DEPTOR: variants seen among roughly 807,000 people sequenced by gnomAD.
The protein encoded by DEPTOR is DEP domain containing MTOR interacting protein.
DEPTOR carries 41 observed loss-of-function variants against 41.6 expected under a neutral mutation model. The ratio of observed to expected loss-of-function variants is 0.98; its 90% confidence interval spans 0.77 to 1.28. The LOEUF is 1.28. Ranked by LOEUF, DEPTOR falls within the 50% of genes most tolerant of loss-of-function variation. The probability of loss-of-function intolerance (pLI) is 0.00; values close to 1 mark genes in which losing one functional copy is unlikely to be tolerated. For missense variants in DEPTOR, 514 were observed against 527.9 expected (o/e 0.97, Z 0.26); for synonymous variants, 195 against 192.3 (o/e 1.01, Z -0.12).
chr8:119,878,474 C>G (rs917701048), intron 1 of DEPTOR, among the ~76,000 whole-genome samples: 2 of 151,932 alleles, frequency 1.3e-5, no homozygotes, highest in Non-Finnish European at 2.9e-5. Context: ...TGCGTGCCAC[C>G]ACACCCAGTT....
At position 119,955,654 on chromosome 8, in the gene DEPTOR, C is replaced by T. The variant is rs181901111; in HGVS notation, c.426-9578C>T. Among the ~76,000 whole-genome samples the T allele has an allele frequency of 1.3e-3, 197 of 152,078 alleles. 1 individual carries two copies. Among genetic ancestry groups the T allele is most frequent in the African/African-American group, 4.3e-3 (179 of 41,490 alleles). Reference sequence around the variant, plus strand: ...GCTAATTTTGTATTTTGGGTAGAGACGGGGTTTCTCCATGTTGGTCAGGTT... The same window carrying T: ...GCTAATTTTGTATTTTGGGTAGAGATGGGGTTTCTCCATGTTGGTCAGGTT... On this transcript the variant is annotated intron_variant, in intron 3 of 8. Transcript: ENST00000286234.
intron 3 of DEPTOR, among the ~76,000 whole-genome samples, chr8:119,948,795 A>AT (rs1301098974): frequency 2.6e-4 from 39 of 150,548 alleles, no homozygotes; most frequent in African/African-American, 6.1e-4. Flanking sequence ...ATTTTTATTT[A>AT]TTTTTTTTTG....
Position 119,929,948 on chromosome 8 carries a change from G to A in DEPTOR, c.425+10G>A, listed in dbSNP as rs145763261. ...AGAGGCTATATGAAAAGTATGTTCC[G>A]CATGAAATCCCCCCTGTAATCTTGA... On this transcript the variant is annotated intron_variant, in intron 3 of 8. Coordinates refer to ENST00000286234, the MANE Select transcript of DEPTOR (RefSeq NM_022783.4). The A allele has an allele frequency of 4.6e-4, 734 of 1,604,512 alleles. 4 individuals are homozygous for A. The African/African-American group carries it at 8.1e-3, about 18-fold the overall frequency.
At chr8:119,874,096 C>A (rs927428561) in intron 1 of DEPTOR, 128 bp downstream of exon 1, 136 of 1,499,910 alleles carry the variant, frequency 9.1e-5, no homozygotes, top group Middle Eastern at 2.0e-4. Context: ...CGGCTGCGGG[C>A]GCGTGGATGG....
Position 120,020,407 on chromosome 8 carries a change from A to G in DEPTOR, c.1101+11274A>G, listed in dbSNP as rs111402303. Among the ~76,000 whole-genome samples, 515 of 152,160 alleles carry G rather than the reference A, an allele frequency of 3.4e-3. 2 individuals carry two copies. Among genetic ancestry groups the G allele is most frequent in the African/African-American group, 0.012 (488 of 41,522 alleles). On this transcript the variant is annotated intron_variant, in intron 8 of 8. Transcript: ENST00000286234. Reference sequence around the variant, plus strand: ...GTTTTGTTTTTTGAGACAGGGTCGCACTTTGTTACCCAGACTGGAGTGCAG... The same window carrying G: ...GTTTTGTTTTTTGAGACAGGGTCGCGCTTTGTTACCCAGACTGGAGTGCAG...
At chr8:120,046,490 A>G (rs1179028759) in intron 8 of DEPTOR, among the ~76,000 whole-genome samples, 1 of 152,072 alleles carries the variant, frequency 6.6e-6, no homozygotes, top group African/African-American at 2.4e-5. Context: ...TTTACTTAGC[A>G]TAATGTTTTC....
intron 4 of DEPTOR, among the ~76,000 whole-genome samples, chr8:120,000,748 C>T (rs920276561): frequency 1.3e-5 from 2 of 151,536 alleles, no homozygotes; most frequent in Admixed American, 6.6e-5. Context: ...CAAGCTTGAG[C>T]CACCGCACCT....
In DEPTOR at chr8:119,982,420, C is replaced by A. The variant is rs562868501; in HGVS notation, c.604+17010C>A. Among the ~76,000 whole-genome samples, 164 of 152,268 alleles carry A rather than the reference C, an allele frequency of 1.1e-3. 1 individual carries two copies. Among genetic ancestry groups the A allele is most frequent in the African/African-American group, 3.8e-3 (157 of 41,544 alleles). ...AGATAGAAAGTGTTTGTTTCCTAAG[C>A]TTTTGATCTTATGTCTCTAGACTTG... is the stretch of plus-strand genomic sequence containing the variant. On this transcript the variant is annotated intron_variant, in intron 4 of 8. Coordinates refer to ENST00000286234, the MANE Select transcript of DEPTOR (RefSeq NM_022783.4).
At chr8:119,959,869 T>A (rs1828467737) in intron 3 of DEPTOR, among the ~76,000 whole-genome samples, 1 of 152,096 alleles carries the variant, frequency 6.6e-6, no homozygotes, top group South Asian at 2.1e-4. Flanking sequence ...ACATGCTGAA[T>A]GAGAAGGTCT....
chr8:119,876,582 G>A (rs1035513637), intron 1 of DEPTOR, among the ~76,000 whole-genome samples: 8 of 151,584 alleles, frequency 5.3e-5, no homozygotes, highest in African/African-American at 1.9e-4. Flanking sequence ...AGGTTGCAGT[G>A]AGCCAAGACA....
chr8:120,045,470 AAGCGATACTCTTGCCTC>A (rs1813140961), intron 8 of DEPTOR, among the ~76,000 whole-genome samples: 1 of 152,178 alleles, frequency 6.6e-6, no homozygotes, highest in South Asian at 2.1e-4. Flanking sequence ...GCCTGGGTTG[AAGCGATACTCTTGCCTC>A]AGTCCCCCAA....
chr8:120,030,497 G>GTTTGTTTTTTTTTTTTTTTTTT (rs1207108457), intron 8 of DEPTOR, among the ~76,000 whole-genome samples: 1 of 46,192 alleles, frequency 2.2e-5, no homozygotes, highest in Non-Finnish European at 3.7e-5. Context: ...AGGTTCATCA[G>GTTTGTTTTTTTTTTTTTTTTTT]TTTTTTTTTT....
chr8:120,005,042 C>G (rs1253598883), intron 6 of DEPTOR, among the ~76,000 whole-genome samples: 1 of 152,010 alleles, frequency 6.6e-6, no homozygotes, highest in Non-Finnish European at 1.5e-5. Context: ...AAAGTTTTCC[C>G]TAGGCCTCAA....
intron 1 of DEPTOR, among the ~76,000 whole-genome samples, chr8:119,887,098 C>G (rs1172232151): frequency 2.0e-5 from 2 of 97,980 alleles, no homozygotes; most frequent in African/African-American, 4.1e-5. Flanking sequence ...TTACCAGTCC[C>G]TTCCCCTTCC....
chr8:119,928,743 C>CTT (rs376801517), intron 2 of DEPTOR, among the ~76,000 whole-genome samples, 165 bp downstream of exon 2: 107 of 127,890 alleles, frequency 8.4e-4, no homozygotes, highest in African/African-American at 2.3e-3. Context: ...TGGGTTCTTT[C>CTT]TTTTTTTTTT....
intron 4 of DEPTOR, among the ~76,000 whole-genome samples, chr8:119,999,213 G>A (rs986002306): frequency 2.6e-5 from 4 of 151,642 alleles, no homozygotes; most frequent in Admixed American, 6.6e-5. Context: ...TGGAGGTTGC[G>A]GTGAGCCGAG....
chr8:120,006,733 A>G (rs988385614), intron 6 of DEPTOR, 72 bp from the exon 7 acceptor site: 15 of 1,387,656 alleles, frequency 1.1e-5, no homozygotes, highest in Admixed American at 1.7e-5. Context: ...CGAGATATCA[A>G]TAAATAGCTG....
chr8:120,040,604 G>A (rs1211573475), intron 8 of DEPTOR, among the ~76,000 whole-genome samples: 1 of 152,036 alleles, frequency 6.6e-6, no homozygotes, highest in African/African-American at 2.4e-5. Flanking sequence ...CACTTTTTTT[G>A]TATTTGGTTG....
At chr8:120,010,970 A>T (rs1469256391) in intron 8 of DEPTOR, among the ~76,000 whole-genome samples, 2 of 152,156 alleles carry the variant, frequency 1.3e-5, no homozygotes, top group African/African-American at 2.4e-5. Flanking sequence ...TGTCTTGATT[A>T]TCCAAAACCA....
Sources: gnomAD v4.1 joint callset for allele counts (sites outside exome capture counted in the v4.1 genomes callset) on GRCh38, gnomAD v4.1.1 for gene constraint, MANE v1.5 for transcripts, NCBI Gene and HGNC (gene_info 2026-07-23, HGNC 2026-07-21) for gene names.